VPS53: variants seen among roughly 807,000 people sequenced by gnomAD.
VPS53 encodes VPS53 subunit of GARP complex.
Under a neutral mutation model 107.0 loss-of-function variants are expected in VPS53, and 70 were observed. The ratio of observed to expected loss-of-function variants is 0.65; its 90% confidence interval spans 0.54 to 0.80. The LOEUF (loss-of-function observed/expected upper bound fraction) is 0.80. Among genes scored for constraint, VPS53 ranks in the 30% least tolerant of loss-of-function variants. VPS53 has a pLI of 0.00. For synonymous variants in VPS53, 409 were observed against 393.3 expected (o/e 1.04, Z -0.47); for missense variants, 917 against 1,049.4 (o/e 0.87, Z 1.74).
At chr17:675,797 G>C (rs1373537316) in intron 4 of VPS53, 1 of 147,920 alleles carries the variant, frequency 6.8e-6, no homozygotes, top group African/African-American at 2.5e-5. Context: ...AAACTTACTT[G>C]GTAGTAAGTA....
At chr17:584,346 T>C (rs1025599125) in intron 13 of VPS53, among the ~76,000 whole-genome samples, 2 of 152,146 alleles carry the variant, frequency 1.3e-5, no homozygotes, top group East Asian at 1.9e-4. Context: ...CCTTTTCTAA[T>C]GCCCCCTCAC....
intron 4 of VPS53, chr17:674,800 C>A (rs762671627): frequency 4.6e-5 from 7 of 152,182 alleles, no homozygotes; most frequent in Non-Finnish European, 7.3e-5. Context: ...CAGCATACTG[C>A]GAATGAGAAA....
At chr17:589,260 A>T (rs923419227) in intron 12 of VPS53, among the ~76,000 whole-genome samples, 1 of 147,288 alleles carries the variant, frequency 6.8e-6, no homozygotes, top group Non-Finnish European at 1.5e-5. Context: ...AGCTTTACTG[A>T]CTTACTAATT....
intron 7 of VPS53, among the ~76,000 whole-genome samples, chr17:633,378 T>C (rs1970042718): frequency 1.3e-5 from 2 of 152,150 alleles, no homozygotes; most frequent in Non-Finnish European, 2.9e-5. Flanking sequence ...TTGCTAAAAA[T>C]GCCTTAAAAG....
chr17:547,355 A>T (rs1256696225), intron 17 of VPS53, among the ~76,000 whole-genome samples: 1 of 152,224 alleles, frequency 6.6e-6, no homozygotes, highest in Admixed American at 6.5e-5. Flanking sequence ...AAAGGAATGG[A>T]GTGCTGACAC....
intron 7 of VPS53, among the ~76,000 whole-genome samples, chr17:641,175 G>A (rs1970412719): frequency 1.3e-5 from 2 of 152,130 alleles, no homozygotes; most frequent in Non-Finnish European, 2.9e-5. Context: ...AGCAGTTTGT[G>A]AAGTGGCTAT....
Position 537,288 on chromosome 17 carries a change from G to A in VPS53, c.1867-112C>T. The A allele has an allele frequency of 2.4e-6, 3 of 1,251,534 alleles. No individual in the cohort carries two copies. The South Asian group carries it at 4.4e-5, about 18-fold the overall frequency. 77.5% of individuals were successfully genotyped at this position (1,251,534 alleles called of 1,614,324 possible). ...GTCAGGTCACAGCTTTGGTATCCCA[G>A]GAATCAGGCCCTTTTGTCCTGGGGA... On this transcript the variant is annotated intron_variant, in intron 17 of 21. Transcript: ENST00000437048.
chr17:650,307 C>A (rs1461294259), intron 7 of VPS53, among the ~76,000 whole-genome samples: 2 of 152,010 alleles, frequency 1.3e-5, no homozygotes, highest in East Asian at 1.9e-4. Context: ...CCAACCTGGG[C>A]AACATAAGAA....
At chr17:584,564 G>A (rs896246956) in intron 13 of VPS53, among the ~76,000 whole-genome samples, 6 of 152,176 alleles carry the variant, frequency 3.9e-5, no homozygotes, top group African/African-American at 1.4e-4. Flanking sequence ...CGAAGTCTCT[G>A]TCACCAAGCT....
chr17:678,308 G>A (rs1331659870), intron 4 of VPS53, among the ~76,000 whole-genome samples: 1 of 151,530 alleles, frequency 6.6e-6, no homozygotes, highest in Non-Finnish European at 1.5e-5. Flanking sequence ...TGTAGTCCCA[G>A]CTTCTTGGGA....
At chr17:667,658 G>T (rs1219830500) in intron 4 of VPS53, among the ~76,000 whole-genome samples, 1 of 103,730 alleles carries the variant, frequency 9.6e-6, no homozygotes, top group Non-Finnish European at 1.9e-5. Context: ...AATGTTCTGG[G>T]GGGGGGGGCA....
intron 11 of VPS53, among the ~76,000 whole-genome samples, chr17:618,666 T>C (rs145465097): frequency 2.7e-5 from 4 of 149,162 alleles, no homozygotes; most frequent in Non-Finnish European, 4.5e-5. Context: ...CCTGCTAATA[T>C]TTCTTGGGTA....
chr17:525,996 C>CAAAAA (rs10677094), intron 19 of VPS53, among the ~76,000 whole-genome samples: 16 of 74,634 alleles, frequency 2.1e-4, no homozygotes, highest in Admixed American at 5.0e-4. Context: ...GACATTTTCT[C>CAAAAA]AAAAAAAAAA....
chr17:679,726 G>A (rs773860578), intron 4 of VPS53, among the ~76,000 whole-genome samples: 4 of 152,172 alleles, frequency 2.6e-5, no homozygotes, highest in Non-Finnish European at 4.4e-5. Flanking sequence ...CCTTGATAAT[G>A]GGTCAATTGT....
At chr17:562,255 T>C (rs1913075382) in intron 14 of VPS53, among the ~76,000 whole-genome samples, 1 of 152,176 alleles carries the variant, frequency 6.6e-6, no homozygotes. Context: ...TACAATGGGA[T>C]TGGTTCTCGA....
chr17:649,692 A>G (rs1970859796), intron 7 of VPS53, among the ~76,000 whole-genome samples: 1 of 152,074 alleles, frequency 6.6e-6, no homozygotes, highest in Admixed American at 6.5e-5. Flanking sequence ...ACTGGAGGAC[A>G]GAGGAATGGA....
chr17:638,695 G>C lies in VPS53; in HGVS notation c.609-7067C>G, dbSNP rs1027223441. 2.3e-4 allele frequency among the ~76,000 whole-genome samples: 35 copies of C among 152,276 alleles called. 1 individual carries two copies. Among genetic ancestry groups the C allele is most frequent in the African/African-American group, 6.5e-4 (27 of 41,564 alleles). ...TATGAAGCTTAGTTTGGCTGGATAT[G>C]AAATTCTGGGTTGAAAATTCTTTTC... On this transcript the variant is annotated intron_variant, in intron 7 of 21. Coordinates refer to ENST00000437048, the MANE Select transcript of VPS53 (RefSeq NM_001128159.3).
At chr17:621,019 A>G (rs1329817113) in intron 11 of VPS53, among the ~76,000 whole-genome samples, 2 of 152,230 alleles carry the variant, frequency 1.3e-5, no homozygotes, top group Non-Finnish European at 2.9e-5. Context: ...CAAAGTATGT[A>G]AATGCATTTG....
chr17:519,002 C>A lies in VPS53; in HGVS notation c.*126G>T. 4.7e-6 allele frequency: 5 copies of A among 1,058,668 alleles called. No homozygotes were observed. Among genetic ancestry groups the A allele is most frequent in the Non-Finnish European group, 6.6e-6 (5 of 757,906 alleles). The allele number at this position is 1,058,668 out of a possible 1,614,324, so 65.6% of individuals were successfully genotyped here. ...GGCATGGGAGAGACTCAGTAACAACCCACATGTCCCAGGAAGTTTGAAGAC... is the reference window on the plus strand; with the variant it reads ...GGCATGGGAGAGACTCAGTAACAACACACATGTCCCAGGAAGTTTGAAGAC... On this transcript the variant is annotated 3_prime_UTR_variant, in exon 22 of 22. Coordinates refer to ENST00000437048, the MANE Select transcript of VPS53 (RefSeq NM_001128159.3). The surrounding 1 kb of genome is among the most constrained non-coding windows in gnomAD (Gnocchi z 5.0).
Sources: allele counts gnomAD v4.1 joint callset (sites outside exome capture counted in the v4.1 genomes callset), GRCh38; gene constraint gnomAD v4.1.1; non-coding constraint Gnocchi (gnomAD v3.1); transcripts MANE v1.5; gene names NCBI Gene and HGNC (gene_info 2026-07-23, HGNC 2026-07-21).